The following MYO10 variants were observed in gnomAD, a reference collection of about 807,000 sequenced individuals.
MYO10 encodes the protein myosin X.
MYO10 carries 133 observed loss-of-function variants against 257.3 expected under a neutral mutation model. That is an observed-to-expected ratio of 0.52 (90% CI 0.45 to 0.60). The LOEUF (loss-of-function observed/expected upper bound fraction) is 0.60. Ranked by LOEUF, MYO10 falls within the 20% of genes least tolerant of loss-of-function variation. The probability of loss-of-function intolerance (pLI) is 0.00; values close to 1 mark genes in which losing one functional copy is unlikely to be tolerated. For synonymous variants in MYO10, 1,104 were observed against 1,028.6 expected (o/e 1.07, Z -1.40); for missense variants, 2,399 against 2,635.7 (o/e 0.91, Z 1.97).
intron 2 of MYO10, among the ~76,000 whole-genome samples, chr5:16,858,564 C>T (rs1420921246): frequency 6.6e-6 from 1 of 152,034 alleles, no homozygotes; most frequent in Non-Finnish European, 1.5e-5. Flanking sequence ...TCCGAGGTAA[C>T]CATTTAGTCT....
At position 16,673,870 on chromosome 5, in the gene MYO10, C is replaced by G; in HGVS notation, c.4984G>C (p.Gly1662Arg). Residue 1662 changes from glycine to arginine, a missense_variant, in exon 36 of 41, where the codon GGA (glycine) becomes CGA (arginine). Gly to Arg is a moderately radical substitution (Grantham distance 125). Transcript: ENST00000513610. ...HLKRIREQFP[G>R]SEMEKYALFT... ...AGAGCGTATTTTTCCATCTCGCTTC[C>G]TGGAAACTGTTCCCGTATCCTAGGA... 6.2e-7 allele frequency: 1 copy of G among 1,613,972 alleles called. No homozygotes were observed. Among genetic ancestry groups the G allele is most frequent in the Non-Finnish European group, 8.5e-7 (1 of 1,179,876 alleles).
At chr5:16,767,299 T>C (rs1740902977) in intron 10 of MYO10, among the ~76,000 whole-genome samples, 1 of 151,198 alleles carries the variant, frequency 6.6e-6, no homozygotes, top group African/African-American at 2.4e-5. Context: ...GCTTCCCAAG[T>C]AGCTAGGATT....
chr5:16,935,832 G>T lies in MYO10; in HGVS notation c.-24C>A. 1 of 1,611,864 alleles carries T rather than the reference G, an allele frequency of 6.2e-7. No homozygotes were observed. The highest frequency in any genetic ancestry group is 1.1e-5 in the South Asian group (1 of 90,842). ...ATTGTTCCAGCGCAGTCCCGGACTC[G>T]CCGAGTGCCGCTCCGACTCGCGGAA... On this transcript the variant is annotated 5_prime_UTR_variant, in exon 1 of 41. Transcript: ENST00000513610.
intron 2 of MYO10, among the ~76,000 whole-genome samples, chr5:16,851,845 G>A (rs1300186255): frequency 1.3e-5 from 2 of 152,084 alleles, no homozygotes; most frequent in East Asian, 3.9e-4. Flanking sequence ...GAGGTCAGGA[G>A]TTAGAGACCA....
rs566014037 is a variant in MYO10 at position 16,815,670 on chromosome 5, G to C, written c.279+2339C>G. Among the ~76,000 whole-genome samples, 5 of 152,296 alleles carry C rather than the reference G, an allele frequency of 3.3e-5. 1 individual carries two copies. In the East Asian group the frequency reaches 9.6e-4, roughly 29 times the overall value. On this transcript the variant is annotated intron_variant, in intron 3 of 40. Coordinates refer to ENST00000513610, the MANE Select transcript of MYO10 (RefSeq NM_012334.3). ...CTGCTATGTAAACAAATAGTTACACGACAGTGTCAAATATTTAATAATAAC... is the reference window on the plus strand; with the variant it reads ...CTGCTATGTAAACAAATAGTTACACCACAGTGTCAAATATTTAATAATAAC...
chr5:16,778,892 G>A (rs557612763), intron 9 of MYO10, among the ~76,000 whole-genome samples: 15 of 151,978 alleles, frequency 9.9e-5, no homozygotes, highest in Admixed American at 3.9e-4. Flanking sequence ...GGGTTTCACC[G>A]TGTTAGCCAG....
intron 1 of MYO10, among the ~76,000 whole-genome samples, chr5:16,889,625 A>T (rs943985204): frequency 2.6e-5 from 4 of 151,872 alleles, no homozygotes; most frequent in African/African-American, 9.7e-5. Context: ...GCTAGGAGAC[A>T]CAGATTTTAT....
At chr5:16,901,564 T>C (rs1745379336) in intron 1 of MYO10, among the ~76,000 whole-genome samples, 1 of 152,166 alleles carries the variant, frequency 6.6e-6, no homozygotes, top group Non-Finnish European at 1.5e-5. Flanking sequence ...TCCCCAAGCT[T>C]ACCTCTACGG....
At position 16,934,850 on chromosome 5, in the gene MYO10, A is replaced by G. The variant is rs193291529; in HGVS notation, c.21+938T>C. ...CTAACACAGAGGCAAGCCCTCATCAATCTGATTTGCTGGAAGACTCCAAAG... is the reference window on the plus strand; with the variant it reads ...CTAACACAGAGGCAAGCCCTCATCAGTCTGATTTGCTGGAAGACTCCAAAG... On this transcript the variant is annotated intron_variant, in intron 1 of 40. Transcript: ENST00000513610. Among the ~76,000 whole-genome samples the G allele has an allele frequency of 1.1e-4, 16 of 152,344 alleles. No individual in the cohort carries two copies. In the East Asian group the frequency reaches 3.1e-3, roughly 29 times the overall value.
chr5:16,708,491 G>A (rs1738445936), intron 21 of MYO10, among the ~76,000 whole-genome samples: 2 of 152,176 alleles, frequency 1.3e-5, no homozygotes, highest in African/African-American at 4.8e-5. Context: ...TTAATGGCTG[G>A]GTTGAGTTTT....
intron 19 of MYO10, among the ~76,000 whole-genome samples, chr5:16,737,750 T>C (rs915247484): frequency 7.9e-5 from 12 of 151,724 alleles, no homozygotes; most frequent in African/African-American, 2.9e-4. Context: ...GAGAGGAGAG[T>C]GTTACTAGCG....
At chr5:16,788,000 G>A (rs1741639746) in intron 4 of MYO10, among the ~76,000 whole-genome samples, 1 of 152,064 alleles carries the variant, frequency 6.6e-6, no homozygotes, top group Non-Finnish European at 1.5e-5. Context: ...CACCATGTTG[G>A]CCAGGCTGGT....
chr5:16,763,353 G>A (rs1249617524), intron 14 of MYO10, 128 bp downstream of exon 14: 4 of 734,344 alleles, frequency 5.4e-6, no homozygotes, highest in African/African-American at 1.8e-5. Flanking sequence ...GTTTCCAAAT[G>A]GTCCATTGTG....
At chr5:16,680,129 C>T in intron 32 of MYO10, 25 bp from the exon 33 acceptor site, 1 of 1,597,544 alleles carries the variant, frequency 6.3e-7, no homozygotes. Flanking sequence ...GTGCCCAGCA[C>T]ACGCACGTCA....
intron 19 of MYO10, among the ~76,000 whole-genome samples, chr5:16,738,890 C>CCCAAAA (rs1739910004): frequency 1.3e-5 from 1 of 74,226 alleles, no homozygotes; most frequent in East Asian, 4.0e-4. Context: ...GACTCCATCT[C>CCCAAAA]AAAAAAAAAA....
At position 16,823,467 on chromosome 5, in the gene MYO10, G is replaced by GGGTTTTT. The variant is rs1561003861; in HGVS notation, c.121-5301_121-5300insAAAAACC. On this transcript the variant is annotated intron_variant, in intron 2 of 40. Transcript: ENST00000513610. The stretch of plus-strand genomic sequence containing the variant: ...CTTGCGCGGGGGGGGGGGGAGTGGG[G>GGGTTTTT]ATTTTTTTTTTTTTTTTTTTGTGAG... 4.8e-3 allele frequency among the ~76,000 whole-genome samples: 19 copies of GGGTTTTT among 3,986 alleles called. 1 individual carries two copies. Among genetic ancestry groups the GGGTTTTT allele is most frequent in the African/African-American group, 0.013 (13 of 1,024 alleles). The allele number at this position is 3,986 out of a possible 152,430, so 2.6% of individuals were successfully genotyped here.
At chr5:16,890,195 T>C (rs565970623) in intron 1 of MYO10, among the ~76,000 whole-genome samples, 1 of 151,916 alleles carries the variant, frequency 6.6e-6, no homozygotes, top group South Asian at 2.1e-4. Context: ...GATTAAAAGG[T>C]ACATAAAAGA....
At chr5:16,892,994 G>C (rs1244373557) in intron 1 of MYO10, among the ~76,000 whole-genome samples, 2 of 151,990 alleles carry the variant, frequency 1.3e-5, no homozygotes, top group African/African-American at 2.4e-5. Flanking sequence ...AGGAGATCAA[G>C]ACCATCCTGG....
At chr5:16,865,107 T>C (rs984665475) in intron 2 of MYO10, among the ~76,000 whole-genome samples, 5 of 152,190 alleles carry the variant, frequency 3.3e-5, no homozygotes, top group Non-Finnish European at 7.3e-5. Flanking sequence ...GCAACTGTTT[T>C]GATTGAAGTG....
Sources: gnomAD v4.1 joint callset for allele counts (sites outside exome capture counted in the v4.1 genomes callset) on GRCh38, gnomAD v4.1.1 for gene constraint, MANE v1.5 for transcripts, NCBI Gene and HGNC (gene_info 2026-07-23, HGNC 2026-07-21) for gene names.